Variants in PCDHGB2 observed in about 807,000 individuals in gnomAD.
PCDHGB2 encodes the protein protocadherin gamma-B2.
In PCDHGB2, 55 loss-of-function variants were observed where a neutral mutation model predicts 59.3. The observed-to-expected ratio is 0.93, with a 90% CI of 0.75 to 1.16. The LOEUF is 1.16. PCDHGB2 is among the 50% of genes most tolerant of loss of function. PCDHGB2 has a pLI of 0.00. For synonymous variants in PCDHGB2, 516 were observed against 512.0 expected, an observed-to-expected ratio of 1.01 and a Z score of -0.11; for missense variants, 1,228 against 1,198.5, an observed-to-expected ratio of 1.02 and a Z score of -0.36.
At chr5:141,382,189 A>G (rs1588915821) in intron 1 of PCDHGB2, among the ~76,000 whole-genome samples, 1 of 152,174 alleles carries the variant, frequency 6.6e-6, no homozygotes, top group African/African-American at 2.4e-5. Flanking sequence ...GGTTCTATAC[A>G]ATCAAAAATT....
chr5:141,498,703 G>A (rs961006063), intron 2 of PCDHGB2, among the ~76,000 whole-genome samples: 7 of 152,228 alleles, frequency 4.6e-5, no homozygotes, highest in Non-Finnish European at 8.8e-5. Flanking sequence ...AGGCTGAGGT[G>A]GGTGGATCAC....
chr5:141,434,906 C>A lies in PCDHGB2; in HGVS notation c.2422-59901C>A, dbSNP rs1044434492. ...AACAATCCAGTCCCCTTCCCTCATA[C>A]CTTATTTATGTACATATATTTTATA... On this transcript the variant is annotated intron_variant, in intron 1 of 3. Coordinates refer to ENST00000522605, the MANE Select transcript of PCDHGB2 (RefSeq NM_018923.3). Among the ~76,000 whole-genome samples the A allele has an allele frequency of 2.0e-5, 3 of 151,752 alleles. No individual in the cohort carries two copies. In the South Asian group the frequency reaches 6.2e-4, roughly 32 times the overall value.
At position 141,360,560 on chromosome 5, in the gene PCDHGB2, T is replaced by G. The variant is rs746175290; in HGVS notation, c.425T>G (p.Ile142Ser). The G allele has an allele frequency of 2.5e-6, 4 of 1,613,846 alleles. No homozygotes were observed. The highest frequency in any genetic ancestry group is 3.4e-6 in the Non-Finnish European group (4 of 1,179,910). The change falls in exon 1 of 4, where the codon ATT becomes AGT. Residue 142 changes from isoleucine (I) to serine (S), a missense_variant. Around this residue, in one of 3 missense-constraint regions of PCDHGB2, gnomAD observed 781 missense variants for 721.6 expected, o/e 1.08. Transcript: ENST00000522605. Reference protein sequence around the residue: ...LFKQTKINLKIGESTKPGTTF... With the variant: ...LFKQTKINLKSGESTKPGTTF... ...AAACAGACTAAGATTAATTTAAAAA[T>G]TGGCGAATCCACTAAGCCAGGTACA...
rs561053469 is a variant in PCDHGB2 at position 141,389,531 on chromosome 5, A to G, written c.2421+26975A>G. The G allele has an allele frequency of 5.0e-6, 8 of 1,613,210 alleles. No individual in the cohort carries two copies. In the East Asian group the frequency reaches 6.7e-5, roughly 13 times the overall value. On this transcript the variant is annotated intron_variant, in intron 1 of 3. Transcript: ENST00000522605. ...GCGCGAACGTGAGCCTGCGCGTGTT[A>G]GTGGACGACCGCAACGACAATGCGC...
At position 141,486,709 on chromosome 5, in the gene PCDHGB2, C is replaced by T; in HGVS notation, c.2422-8098C>T. 6.2e-7 allele frequency: 1 copy of T among 1,614,182 alleles called. No individual in the cohort carries two copies. ...CTTCCTCTTTCATCTCTCTGAACCC[C>T]CAGACAGGAGCTGTTCATGCTACTC... On this transcript the variant is annotated intron_variant, in intron 1 of 3. Coordinates refer to ENST00000522605, the MANE Select transcript of PCDHGB2 (RefSeq NM_018923.3). This position sits in a 1 kb window ranked among gnomAD's most constrained non-coding sequence, Gnocchi z 5.0.
At chr5:141,398,866 T>TAC (rs775997367) in intron 1 of PCDHGB2, 28 of 1,613,844 alleles carry the variant, frequency 1.7e-5, no homozygotes, top group Non-Finnish European at 8.5e-7. Flanking sequence ...CCGAGACGTG[T>TAC]ACAGAGTCAG....
At position 141,365,186 on chromosome 5, in the gene PCDHGB2, G is replaced by A. The variant is rs775485996; in HGVS notation, c.2421+2630G>A. ...GACCTACTCTTTTCGCAATGAAGAA[G>A]AAAAAATTTCGGAGACTTTCCAACT... On this transcript the variant is annotated intron_variant, in intron 1 of 3. Transcript: ENST00000522605. 8.1e-6 allele frequency: 13 copies of A among 1,613,880 alleles called. 1 individual carries two copies. In the South Asian group the frequency reaches 1.1e-4, roughly 14 times the overall value.
chr5:141,460,834 A>G (rs757757290), intron 1 of PCDHGB2, among the ~76,000 whole-genome samples: 11 of 151,874 alleles, frequency 7.2e-5, no homozygotes, highest in Non-Finnish European at 1.3e-4. Context: ...CACTTAAAGT[A>G]ATGGCCTCCA....
intron 1 of PCDHGB2, chr5:141,383,740 T>C: frequency 6.2e-7 from 1 of 1,614,008 alleles, no homozygotes. Context: ...GACATATTCT[T>C]TTCGGAAAAT....
intron 1 of PCDHGB2, among the ~76,000 whole-genome samples, chr5:141,439,459 A>C (rs558086952): frequency 6.6e-6 from 1 of 152,222 alleles, no homozygotes. Flanking sequence ...GCAAGACTGC[A>C]CTGCTGCCTT....
chr5:141,412,534 A>G (rs1324712420), intron 1 of PCDHGB2: 1 of 152,192 alleles, frequency 6.6e-6, no homozygotes, highest in African/African-American at 2.4e-5. Context: ...ACAATTATAA[A>G]GCTTCAGAGT....
chr5:141,413,833 G>A (rs917295013), intron 1 of PCDHGB2: 1 of 1,613,276 alleles, frequency 6.2e-7, no homozygotes, highest in Non-Finnish European at 8.5e-7. Context: ...CACCGCCTCC[G>A]ACGGGGGTGA....
At chr5:141,378,906 G>A (rs561615275) in intron 1 of PCDHGB2, 2 of 152,278 alleles carry the variant, frequency 1.3e-5, no homozygotes, top group African/African-American at 2.4e-5. Context: ...TTCTGTTATC[G>A]ACAGTCTTCA....
intron 1 of PCDHGB2, chr5:141,383,792 CA>C: frequency 6.2e-7 from 1 of 1,613,914 alleles, no homozygotes; most frequent in Non-Finnish European, 8.5e-7. Context: ...AACTCGCTTA[CA>C]GGAGAAATAT....
Position 141,489,087 on chromosome 5 carries a change from T to TCAAA in PCDHGB2, c.2422-5720_2422-5719insCAAA. 4.6e-6 allele frequency: 1 copy of TCAAA among 216,106 alleles called. No individual in the cohort carries two copies. The highest frequency in any genetic ancestry group is 8.4e-6 in the Non-Finnish European group (1 of 118,736). The allele number at this position is 216,106 out of a possible 1,614,324, so 13.4% of individuals were successfully genotyped here. On this transcript the variant is annotated intron_variant, in intron 1 of 3. Coordinates refer to ENST00000522605, the MANE Select transcript of PCDHGB2 (RefSeq NM_018923.3). This position sits in a 1 kb window ranked among gnomAD's most constrained non-coding sequence, Gnocchi z 4.5. The stretch of plus-strand genomic sequence containing the variant: ...CCCCCTGCCCACCCCCGCCACTCGG[T>TCAAA]GACTAAGAACTGCTGCAAGCAGGCA...
At chr5:141,389,997 A>T (rs1278035747) in intron 1 of PCDHGB2, 1 of 1,613,962 alleles carries the variant, frequency 6.2e-7, no homozygotes, top group Non-Finnish European at 8.5e-7. Flanking sequence ...CCTCGTGGCC[A>T]TGATTCTGGC....
intron 1 of PCDHGB2, among the ~76,000 whole-genome samples, chr5:141,429,602 C>T (rs548994907): frequency 1.1e-4 from 16 of 152,218 alleles, no homozygotes; most frequent in African/African-American, 3.6e-4. Flanking sequence ...TTCAAGTAAA[C>T]TCAATTTTAT....
In PCDHGB2 at chr5:141,361,485, A is replaced by G. The variant is rs1762045132; in HGVS notation, c.1350A>G (p.Pro450=). 1.9e-6 allele frequency: 3 copies of G among 1,614,034 alleles called. No individual in the cohort carries two copies. Among genetic ancestry groups the G allele is most frequent in the Non-Finnish European group, 2.5e-6 (3 of 1,179,894 alleles). Residue 450 remains proline (P), a synonymous_variant, in exon 1 of 4, where the codon CCA becomes CCG. Transcript: ENST00000522605. The part of the protein sequence containing the change: ...LHISDVNDNA[P]VFQQTSYMVH... ...TCTCCGACGTCAACGATAATGCCCC[A>G]GTTTTCCAACAGACTTCCTACATGG...
In PCDHGB2 at chr5:141,431,318, G is replaced by T. The variant is rs1309389474; in HGVS notation, c.2422-63489G>T. The T allele has an allele frequency of 6.2e-7, 1 of 1,614,086 alleles. No individual in the cohort carries two copies. Among genetic ancestry groups the T allele is most frequent in the African/African-American group, 1.3e-5 (1 of 75,050 alleles). ...CTCCCTCATCGTGCAAAATGGAGCCGACGGTAGTAAGTACCCCGAATTGGT... is the reference window on the plus strand; with the variant it reads ...CTCCCTCATCGTGCAAAATGGAGCCTACGGTAGTAAGTACCCCGAATTGGT... On this transcript the variant is annotated intron_variant, in intron 1 of 3. Coordinates refer to ENST00000522605, the MANE Select transcript of PCDHGB2 (RefSeq NM_018923.3). The surrounding 1 kb of genome is among the most constrained non-coding windows in gnomAD (Gnocchi z 4.8).
Sources: allele counts gnomAD v4.1 joint callset (sites outside exome capture counted in the v4.1 genomes callset), GRCh38; gene constraint gnomAD v4.1.1; regional missense constraint gnomAD v4.1.1; non-coding constraint Gnocchi (gnomAD v3.1); transcripts MANE v1.5; gene names NCBI Gene and HGNC (gene_info 2026-07-23, HGNC 2026-07-21).